Variants in LCA5 observed in about 807,000 individuals in gnomAD.
LCA5 encodes lebercilin LCA5.
Under a neutral mutation model 53.0 loss-of-function variants are expected in LCA5, and 37 were observed. The ratio of observed to expected loss-of-function variants is 0.70; its 90% CI spans 0.54 to 0.92. The LOEUF (loss-of-function observed/expected upper bound fraction) is 0.92. Among genes scored for constraint, LCA5 ranks in the 40% least tolerant of loss-of-function variants. LCA5 has a pLI of 0.00. For synonymous variants in LCA5, 303 were observed against 282.9 expected (o/e 1.07, Z -0.71); for missense variants, 806 against 790.5 (o/e 1.02, Z -0.23).
Position 79,489,226 on chromosome 6 carries a change from G to GT in LCA5, c.1099-11dup, listed in dbSNP as rs748164681. The GT allele has an allele frequency of 2.5e-6, 4 of 1,609,022 alleles. No individual in the cohort carries two copies. The South Asian group carries it at 4.4e-5, about 18-fold the overall frequency. On this transcript the variant is annotated splice_polypyrimidine_tract_variant and intron_variant, in intron 6 of 7. Coordinates refer to ENST00000369846, the MANE Select transcript of LCA5 (RefSeq NM_001122769.3). ...TTTGAGATTGCAAGTCCTATTATAC[G>GT]TTAAAAAAAATGCAAGTTCACAAAT... is the stretch of plus-strand genomic sequence containing the variant.
At chr6:79,533,436 A>G (rs1406262279) in intron 1 of LCA5, among the ~76,000 whole-genome samples, 1 of 152,048 alleles carries the variant, frequency 6.6e-6, no homozygotes, top group Non-Finnish European at 1.5e-5. Flanking sequence ...TAAAAGCAAA[A>G]AAGGAAAATT....
chr6:79,518,953 C>T lies in LCA5; in HGVS notation c.-59G>A. The stretch of plus-strand genomic sequence containing the variant: ...CACAGATTATTTTCTCCAGAGGAGA[C>T]TATGACAATACTGAAAAACATTTTC... On this transcript the variant is annotated 5_prime_UTR_variant, in exon 2 of 8. Coordinates refer to ENST00000369846, the MANE Select transcript of LCA5 (RefSeq NM_001122769.3). 6.7e-7 allele frequency: 1 copy of T among 1,494,996 alleles called. No homozygotes were observed. The highest frequency in any genetic ancestry group is 2.3e-5 in the East Asian group (1 of 44,332). 92.6% of individuals were successfully genotyped at this position (1,494,996 alleles called of 1,614,324 possible).
At chr6:79,513,127 G>A in intron 3 of LCA5, 85 bp downstream of exon 3, 2 of 1,307,800 alleles carry the variant, frequency 1.5e-6, no homozygotes, top group Non-Finnish European at 2.2e-6. Context: ...ATACCAAACT[G>A]CAATAAGCAA....
chr6:79,528,964 G>A (rs1766873512), intron 1 of LCA5, among the ~76,000 whole-genome samples: 1 of 152,186 alleles, frequency 6.6e-6, no homozygotes, highest in African/African-American at 2.4e-5. Flanking sequence ...CAACAAACTG[G>A]CAGAAAATGC....
chr6:79,525,021 T>C (rs897751952), intron 1 of LCA5: 15 of 152,260 alleles, frequency 9.9e-5, no homozygotes, highest in African/African-American at 3.4e-4. Context: ...ATTATGCCAA[T>C]ATCTTCATTT....
chr6:79,518,791 C>T lies in LCA5; in HGVS notation c.104G>A (p.Arg35Gln), dbSNP rs771337269. ...AGGTGAAGAACTGACCAGCGATGAT[C>T]GGCCAGAAGACTGTGGCGTTTCAAA... ...SDFETPQSSG[R>Q]SSLVSSSPAS... The change falls in exon 2 of 8, where the codon CGA (arginine) becomes CAA (glutamine). Residue 35 changes from arginine (R) to glutamine (Q), a missense_variant. Arg to Gln is a conservative substitution (Grantham distance 43). Coordinates refer to ENST00000369846, the MANE Select transcript of LCA5 (RefSeq NM_001122769.3). 12 of 1,613,992 alleles carry T rather than the reference C, an allele frequency of 7.4e-6. No homozygotes were observed. Among genetic ancestry groups the T allele is most frequent in the South Asian group, 3.3e-5 (3 of 91,086 alleles).
intron 1 of LCA5, among the ~76,000 whole-genome samples, chr6:79,528,065 T>A (rs972120237): frequency 1.3e-5 from 2 of 152,146 alleles, no homozygotes; most frequent in Admixed American, 1.3e-4. Context: ...CCACTACAAG[T>A]GTGCTGCGAA....
chr6:79,509,965 C>T (rs1255481133), intron 3 of LCA5, among the ~76,000 whole-genome samples: 1 of 152,030 alleles, frequency 6.6e-6, no homozygotes, highest in Non-Finnish European at 1.5e-5. Context: ...TACAAAAATT[C>T]CAGGAAGATG....
At chr6:79,510,110 T>C (rs1288572332) in intron 3 of LCA5, among the ~76,000 whole-genome samples, 2 of 152,210 alleles carry the variant, frequency 1.3e-5, no homozygotes, top group Admixed American at 1.3e-4. Context: ...AGGTTTATTA[T>C]GGATGCTGTA....
chr6:79,486,896 A>C lies in LCA5; in HGVS notation c.*108T>G, dbSNP rs1769672285. 2.2e-6 allele frequency: 2 copies of C among 900,128 alleles called. No individual in the cohort carries two copies. The highest frequency in any genetic ancestry group is 3.3e-6 in the Non-Finnish European group (2 of 604,194). 55.8% of individuals were successfully genotyped at this position (900,128 alleles called of 1,614,324 possible). A position where few individuals can be genotyped will look rare whatever the true frequency, so the allele number is the denominator to read the frequency against. ...GCATTGTATTTAGCTATTAAAAATCATTCCTTAATAAGGACATTTTAGCAT... is the reference window on the plus strand; with the variant it reads ...GCATTGTATTTAGCTATTAAAAATCCTTCCTTAATAAGGACATTTTAGCAT... On this transcript the variant is annotated 3_prime_UTR_variant, in exon 8 of 8. Transcript: ENST00000369846.
chr6:79,532,752 C>T (rs920935526), intron 1 of LCA5, among the ~76,000 whole-genome samples: 2 of 152,096 alleles, frequency 1.3e-5, no homozygotes, highest in African/African-American at 4.8e-5. Context: ...TCTTCACAGA[C>T]CTTGTTACTA....
At position 79,487,667 on chromosome 6, in the gene LCA5, T is replaced by C; in HGVS notation, c.1431A>G (p.Glu477=). ...ATTTTAGATTTCGAGAATCTTGGAG[T>C]TCTCTGTCAATTTCATTCAGTTTAG... is the stretch of plus-strand genomic sequence containing the variant. ...LLAKLNEIDR[E]LQDSRNLKYP... Residue 477 remains glutamate (E), a synonymous_variant, in exon 8 of 8, where the codon GAA becomes GAG. Transcript: ENST00000369846. The C allele has an allele frequency of 6.2e-7, 1 of 1,613,856 alleles. No individual in the cohort carries two copies. The highest frequency in any genetic ancestry group is 1.7e-5 in the Admixed American group (1 of 59,976).
chr6:79,491,505 C>T (rs1769840680), intron 6 of LCA5, 83 bp downstream of exon 6: 3 of 1,439,188 alleles, frequency 2.1e-6, no homozygotes, highest in East Asian at 2.3e-5. Context: ...AGCTTCATTA[C>T]TGAAATTTTA....
In LCA5 at chr6:79,521,348, C is replaced by T. The variant is rs568158149; in HGVS notation, c.-191-2263G>A. Reference sequence around the variant, plus strand: ...ATACATGGTTGGTGGTAAAACCACACAAATTAACCAGTTCGAATGACTTTA... The same window carrying T: ...ATACATGGTTGGTGGTAAAACCACATAAATTAACCAGTTCGAATGACTTTA... On this transcript the variant is annotated intron_variant, in intron 1 of 7. Transcript: ENST00000369846. Among the ~76,000 whole-genome samples, 9 of 152,188 alleles carry T rather than the reference C, an allele frequency of 5.9e-5. No individual in the cohort carries two copies. The East Asian group carries it at 1.2e-3, about 20-fold the overall frequency.
In LCA5 at chr6:79,537,349, G is replaced by A. The variant is rs1490407250; in HGVS notation, c.-376C>T. Reference sequence around the variant, plus strand: ...ATGCGGGAGGTTTGAACACAAGGATGGGACAGAGGCGAGGATCGGGGCTCC... The same window carrying A: ...ATGCGGGAGGTTTGAACACAAGGATAGGACAGAGGCGAGGATCGGGGCTCC... On this transcript the variant is annotated 5_prime_UTR_variant, in exon 1 of 8. Coordinates refer to ENST00000369846, the MANE Select transcript of LCA5 (RefSeq NM_001122769.3). 6.6e-6 allele frequency: 1 copy of A among 152,580 alleles called. No homozygotes were observed. Among genetic ancestry groups the A allele is most frequent in the Admixed American group, 6.5e-5 (1 of 15,290 alleles). 9.5% of individuals were successfully genotyped at this position (152,580 alleles called of 1,614,324 possible).
chr6:79,502,383 T>A (rs1176862156), intron 3 of LCA5, among the ~76,000 whole-genome samples: 1 of 152,218 alleles, frequency 6.6e-6, no homozygotes, highest in African/African-American at 2.4e-5. Flanking sequence ...CTGCCCTAAG[T>A]AATGGACCTT....
At chr6:79,519,112 CTT>C (rs1424744078) in intron 1 of LCA5, 27 bp from the exon 2 acceptor site, 1 of 595,898 alleles carries the variant, frequency 1.7e-6, no homozygotes, top group East Asian at 2.9e-5. Context: ...GGAAAGGAGA[CTT>C]ATCATACAGT....
At chr6:79,497,301 T>A (rs1273904265) in intron 3 of LCA5, among the ~76,000 whole-genome samples, 2 of 152,146 alleles carry the variant, frequency 1.3e-5, no homozygotes, top group Admixed American at 6.6e-5. Flanking sequence ...GGAAGAACAG[T>A]TAATGTATAA....
chr6:79,523,517 C>T (rs1345808199), intron 1 of LCA5, among the ~76,000 whole-genome samples: 2 of 152,146 alleles, frequency 1.3e-5, no homozygotes, highest in Non-Finnish European at 2.9e-5. Flanking sequence ...AACTATTACA[C>T]AGTAAGAACT....
Sources: gnomAD v4.1 joint callset for allele counts (sites outside exome capture counted in the v4.1 genomes callset) on GRCh38, gnomAD v4.1.1 for gene constraint, MANE v1.5 for transcripts, NCBI Gene and HGNC (gene_info 2026-07-23, HGNC 2026-07-21) for gene names.